LIMCH1: variants seen among roughly 807,000 people sequenced by gnomAD.
The protein encoded by LIMCH1 is LIM and calponin homology domains 1.
In LIMCH1, 113 loss-of-function variants were observed where a neutral mutation model predicts 176.5. That is an observed-to-expected ratio of 0.64 (90% CI 0.55 to 0.75). The LOEUF (loss-of-function observed/expected upper bound fraction) is 0.75. Among genes scored for constraint, LIMCH1 ranks in the 30% least tolerant of loss-of-function variants. The pLI, the probability that LIMCH1 is intolerant of heterozygous loss-of-function variation, is 0.00. For synonymous variants in LIMCH1, 619 were observed against 645.9 expected, an observed-to-expected ratio of 0.96 and a Z score of 0.63; for missense variants, 1,674 against 1,814.9, an observed-to-expected ratio of 0.92 and a Z score of 1.41.
chr4:41,466,472 C>T (rs530202626), intron 1 of LIMCH1, among the ~76,000 whole-genome samples: 1 of 152,314 alleles, frequency 6.6e-6, no homozygotes, highest in South Asian at 2.1e-4. Flanking sequence ...GGTTTCCCTT[C>T]ATTTCTTGAT....
At chr4:41,682,675 C>CTTTT (rs200784058) in intron 26 of LIMCH1, among the ~76,000 whole-genome samples, 65 of 142,392 alleles carry the variant, frequency 4.6e-4, no homozygotes, top group Middle Eastern at 3.7e-3. Context: ...TTTTCTTCTT[C>CTTTT]TTCTTTTTTT....
rs187542048 is a variant in LIMCH1 at position 41,591,499 on chromosome 4, C to T, written c.-240-7421C>T. Among the ~76,000 whole-genome samples, 430 of 152,244 alleles carry T rather than the reference C, an allele frequency of 2.8e-3. 2 individuals carry two copies. Among genetic ancestry groups the T allele is most frequent in the African/African-American group, 0.01 (419 of 41,532 alleles). ...CCTCAAGGGGTCCTCCTGCCTCAGCCTCTCAAAGCACTGGCAGTACAAGTG... is the reference window on the plus strand; with the variant it reads ...CCTCAAGGGGTCCTCCTGCCTCAGCTTCTCAAAGCACTGGCAGTACAAGTG... On this transcript the variant is annotated intron_variant, in intron 1 of 31. Coordinates refer to ENST00000503057, the MANE Select transcript of LIMCH1 (RefSeq NM_001330672.2).
intron 1 of LIMCH1, among the ~76,000 whole-genome samples, chr4:41,396,260 C>A (rs981067127): frequency 1.3e-5 from 2 of 152,182 alleles, no homozygotes; most frequent in Admixed American, 1.3e-4. Flanking sequence ...GTTGTTTCAA[C>A]ATGTAAACTT....
At chr4:41,610,094 A>G (rs1371704501) in intron 4 of LIMCH1, among the ~76,000 whole-genome samples, 1 of 152,148 alleles carries the variant, frequency 6.6e-6, no homozygotes, top group African/African-American at 2.4e-5. Flanking sequence ...CCAAGGTTTG[A>G]TTCTTGGCTT....
At chr4:41,405,993 G>A (rs547408182) in intron 1 of LIMCH1, among the ~76,000 whole-genome samples, 1 of 152,278 alleles carries the variant, frequency 6.6e-6, no homozygotes, top group South Asian at 2.1e-4. Context: ...CTTGACTTGT[G>A]TCAGGGGAGC....
At chr4:41,454,087 GC>G (rs1462321151) in intron 1 of LIMCH1, among the ~76,000 whole-genome samples, 1 of 151,948 alleles carries the variant, frequency 6.6e-6, no homozygotes, top group East Asian at 1.9e-4. Context: ...ATCTCCCTGT[GC>G]CCTGTTATTC....
At chr4:41,517,718 G>A (rs7657938) in intron 2 of LIMCH1, among the ~76,000 whole-genome samples, 78,757 of 151,810 alleles carry the variant, frequency 0.52, 23,601 homozygotes, top group African/African-American at 0.83. Context: ...TTTTGCCTGG[G>A]CAAGAAAGAA....
intron 1 of LIMCH1, among the ~76,000 whole-genome samples, chr4:41,401,611 A>C (rs1345609240): frequency 6.6e-6 from 1 of 151,832 alleles, no homozygotes; most frequent in Non-Finnish European, 1.5e-5. Context: ...GAATCTATAA[A>C]TTACCTTGGG....
At chr4:41,555,987 T>G (rs371719302) in intron 1 of LIMCH1, among the ~76,000 whole-genome samples, 8 of 152,060 alleles carry the variant, frequency 5.3e-5, no homozygotes, top group African/African-American at 1.9e-4. Context: ...TCAGGGGGTC[T>G]GCCTGCCTCA....
intron 1 of LIMCH1, among the ~76,000 whole-genome samples, chr4:41,484,112 A>G (rs1189476972): frequency 6.6e-6 from 1 of 152,260 alleles, no homozygotes; most frequent in Non-Finnish European, 1.5e-5. Flanking sequence ...TAGTTGTGAT[A>G]TGAATGTGAG....
intron 1 of LIMCH1, among the ~76,000 whole-genome samples, chr4:41,391,821 G>A (rs2057277988): frequency 1.3e-5 from 2 of 152,126 alleles, no homozygotes; most frequent in Non-Finnish European, 2.9e-5. Context: ...GACATTAGTG[G>A]AAAAACTGGT....
At chr4:41,690,476 C>T (rs1419016594) in intron 30 of LIMCH1, among the ~76,000 whole-genome samples, 1 of 152,178 alleles carries the variant, frequency 6.6e-6, no homozygotes, top group East Asian at 1.9e-4. Context: ...GTATTTTCCA[C>T]TCATGGACAC....
chr4:41,619,478 G>T, intron 6 of LIMCH1, 38 bp downstream of exon 6: 1 of 1,599,350 alleles, frequency 6.3e-7, no homozygotes, highest in South Asian at 1.1e-5. Flanking sequence ...CCTGGCTTGG[G>T]CATGAGTGGT....
chr4:41,671,529 TTTTC>T (rs745375505), intron 21 of LIMCH1, 21 bp from the exon 22 acceptor site: 8 of 1,594,580 alleles, frequency 5.0e-6, no homozygotes, highest in Non-Finnish European at 6.9e-6. Flanking sequence ...CATATCTTTT[TTTTC>T]TTTCTTTTTT....
intron 8 of LIMCH1, among the ~76,000 whole-genome samples, chr4:41,628,293 A>T (rs953077593): frequency 6.6e-6 from 1 of 152,024 alleles, no homozygotes; most frequent in African/African-American, 2.4e-5. Context: ...TTTCTCCTCC[A>T]TGTAATTTTA....
chr4:41,599,151 G>T, intron 2 of LIMCH1, 125 bp downstream of exon 2: 1 of 601,256 alleles, frequency 1.7e-6, no homozygotes, highest in Non-Finnish European at 3.0e-6. Flanking sequence ...AAATGTGAAG[G>T]TAAAAATCAA....
intron 1 of LIMCH1, among the ~76,000 whole-genome samples, chr4:41,459,315 T>C (rs974934784): frequency 6.6e-6 from 1 of 152,064 alleles, no homozygotes; most frequent in Admixed American, 6.6e-5. Flanking sequence ...TCCTTCCTTC[T>C]TTTTTGACAG....
chr4:41,361,142 AG>A (rs1436224700), intron 1 of LIMCH1, among the ~76,000 whole-genome samples: 2 of 152,112 alleles, frequency 1.3e-5, no homozygotes, highest in African/African-American at 4.8e-5. Context: ...TGGGCGTGAA[AG>A]GGGACACTGC....
At chr4:41,443,417 A>G (rs754274501) in intron 1 of LIMCH1, among the ~76,000 whole-genome samples, 32 of 152,214 alleles carry the variant, frequency 2.1e-4, no homozygotes, top group Non-Finnish European at 2.1e-4. Context: ...TGGTACTTAA[A>G]GCAAATCAAG....
Sources: allele counts gnomAD v4.1 joint callset (sites outside exome capture counted in the v4.1 genomes callset), GRCh38; gene constraint gnomAD v4.1.1; transcripts MANE v1.5; gene names NCBI Gene and HGNC (gene_info 2026-07-23, HGNC 2026-07-21).